Variants in FARP2 observed in about 807,000 individuals in gnomAD.
FARP2 encodes the protein FERM, ARH/RhoGEF and pleckstrin domain protein 2.
Under a neutral mutation model 130.5 loss-of-function variants are expected in FARP2, and 111 were observed. That is an observed-to-expected ratio of 0.85 (90% CI 0.73 to 1.00). FARP2 has a LOEUF of 1.00. Ranked by LOEUF, FARP2 falls within the 50% of genes least tolerant of loss-of-function variation. The probability of loss-of-function intolerance (pLI) is 0.00; values close to 1 mark genes in which losing one functional copy is unlikely to be tolerated. For missense variants in FARP2, 1,385 were observed against 1,346.3 expected (o/e 1.03, Z -0.45); for synonymous variants, 504 against 516.9 (o/e 0.98, Z 0.34).
At chr2:241,410,493 A>G (rs1451063867) in intron 5 of FARP2, among the ~76,000 whole-genome samples, 1 of 150,272 alleles carries the variant, frequency 6.7e-6, no homozygotes, top group East Asian at 2.0e-4. Context: ...GTGCAGTGGC[A>G]TGATCTCAGC....
chr2:241,448,468 T>C (rs2063566888), intron 13 of FARP2, among the ~76,000 whole-genome samples: 2 of 152,280 alleles, frequency 1.3e-5, no homozygotes, highest in African/African-American at 4.8e-5. Context: ...TTTACTTTAA[T>C]AGTTTGTTTT....
At chr2:241,489,233 G>C (rs924811981) in intron 21 of FARP2, 4 of 152,262 alleles carry the variant, frequency 2.6e-5, no homozygotes, top group African/African-American at 9.6e-5. Context: ...CCTGGGGACA[G>C]AGAACTGGCC....
intron 2 of FARP2, among the ~76,000 whole-genome samples, chr2:241,389,004 G>A (rs886073095): frequency 1.3e-5 from 2 of 152,164 alleles, no homozygotes; most frequent in African/African-American, 2.4e-5. Flanking sequence ...CATGAGGCGG[G>A]GTGAGGTGGC....
intron 13 of FARP2, 131 bp from the exon 14 acceptor site, chr2:241,456,616 A>C: frequency 1.3e-6 from 1 of 790,988 alleles, no homozygotes; most frequent in Non-Finnish European, 2.1e-6. Context: ...CTGTACATAC[A>C]CATTTTACAG....
intron 14 of FARP2, 22 bp from the exon 15 acceptor site, chr2:241,462,501 T>TA (rs763919634): frequency 3.1e-6 from 5 of 1,592,240 alleles, no homozygotes; most frequent in East Asian, 2.2e-5. Flanking sequence ...GACGCACACT[T>TA]ACAGCTCTCT....
chr2:241,449,850 C>T (rs760384428), intron 13 of FARP2, among the ~76,000 whole-genome samples: 8 of 151,720 alleles, frequency 5.3e-5, no homozygotes, highest in Non-Finnish European at 1.2e-4. Context: ...TACACACACA[C>T]ACAAAAATTA....
intron 9 of FARP2, among the ~76,000 whole-genome samples, chr2:241,432,857 T>C (rs140754591): frequency 3.4e-4 from 52 of 152,354 alleles, no homozygotes; most frequent in African/African-American, 1.2e-3. Flanking sequence ...CATGCCTGTG[T>C]CAGCCCAGAC....
chr2:241,382,630 G>A (rs954127293), intron 2 of FARP2, among the ~76,000 whole-genome samples: 14 of 152,250 alleles, frequency 9.2e-5, no homozygotes, highest in African/African-American at 3.1e-4. Flanking sequence ...TGGGGTAAAC[G>A]TATAGAAGTG....
intron 21 of FARP2, among the ~76,000 whole-genome samples, chr2:241,486,287 C>A (rs143540363): frequency 2.1e-4 from 22 of 103,878 alleles, no homozygotes; most frequent in African/African-American, 8.4e-4. Flanking sequence ...CTCCAAAAAT[C>A]TTTTTTTTTT....
chr2:241,453,433 T>G (rs186919445), intron 13 of FARP2, among the ~76,000 whole-genome samples: 2 of 150,658 alleles, frequency 1.3e-5, no homozygotes, highest in Non-Finnish European at 3.0e-5. Context: ...CCATCCTGGC[T>G]AACATGGTGA....
intron 21 of FARP2, chr2:241,488,486 G>C (rs1258551924): frequency 6.8e-6 from 1 of 146,780 alleles, no homozygotes; most frequent in Non-Finnish European, 1.5e-5. Context: ...GCACGATCTC[G>C]GCTCACTGCA....
At chr2:241,466,643 C>T in intron 17 of FARP2, 2 of 981,780 alleles carry the variant, frequency 2.0e-6, no homozygotes, top group African/African-American at 1.8e-5. Context: ...CACCACCCCT[C>T]ACCCCCAGGC....
intron 1 of FARP2, among the ~76,000 whole-genome samples, chr2:241,357,955 C>T (rs569491042): frequency 6.6e-6 from 1 of 152,220 alleles, no homozygotes; most frequent in Admixed American, 6.5e-5. Flanking sequence ...TTTGGGAGGC[C>T]GAGGCAGGCA....
intron 7 of FARP2, among the ~76,000 whole-genome samples, chr2:241,415,989 C>CTGTGTGTGTGTGTGTGTGTG (rs57774022): frequency 7.1e-6 from 1 of 141,714 alleles, no homozygotes; most frequent in Non-Finnish European, 1.5e-5. Context: ...CAGGGTAGTT[C>CTGTGTGTGTGTGTGTGTGTG]TGTGTGTGTG....
chr2:241,424,436 A>G (rs562206355), intron 8 of FARP2, among the ~76,000 whole-genome samples: 2 of 152,388 alleles, frequency 1.3e-5, no homozygotes, highest in Admixed American at 1.3e-4. Context: ...ATAACATATC[A>G]GAATCTGGGA....
intron 21 of FARP2, 60 bp downstream of exon 21, chr2:241,484,391 C>A (rs2064702265): frequency 3.6e-6 from 5 of 1,391,398 alleles, no homozygotes; most frequent in Non-Finnish European, 5.1e-6. Flanking sequence ...GCCCCACCTA[C>A]CTCTCTCCTG....
At chr2:241,480,700 A>AAAGG (rs1385907223) in intron 19 of FARP2, among the ~76,000 whole-genome samples, 2 of 152,198 alleles carry the variant, frequency 1.3e-5, no homozygotes, top group African/African-American at 2.4e-5. Flanking sequence ...GAAAAAAAAG[A>AAAGG]AAGGAAGAAA....
intron 5 of FARP2, chr2:241,410,796 CAT>C: frequency 2.1e-6 from 1 of 472,670 alleles, no homozygotes; most frequent in Non-Finnish European, 3.9e-6. Flanking sequence ...TGCGCTCTCC[CAT>C]GTGTGTGACT....
At chr2:241,461,692 A>G (rs1363413325) in intron 14 of FARP2, among the ~76,000 whole-genome samples, 2 of 152,208 alleles carry the variant, frequency 1.3e-5, no homozygotes, top group Non-Finnish European at 2.9e-5. Context: ...CACCTGCTCC[A>G]TGGATATTTG....
Sources: gnomAD v4.1 joint callset for allele counts (sites outside exome capture counted in the v4.1 genomes callset) on GRCh38, gnomAD v4.1.1 for gene constraint, MANE v1.5 for transcripts, NCBI Gene and HGNC (gene_info 2026-07-23, HGNC 2026-07-21) for gene names.